The following PLAA variants were observed in gnomAD, a reference collection of about 807,000 sequenced individuals.
PLAA encodes the protein phospholipase A-2-activating protein.
In PLAA, 48 loss-of-function variants were observed where a neutral mutation model predicts 84.1. The ratio of observed to expected loss-of-function variants is 0.57; its 90% CI spans 0.45 to 0.73. The LOEUF is 0.73. Ranked by LOEUF, PLAA falls within the 30% of genes least tolerant of loss-of-function variation. The probability of loss-of-function intolerance (pLI) is 0.00; values close to 1 mark genes in which losing one functional copy is unlikely to be tolerated. For synonymous variants in PLAA, 392 were observed against 336.6 expected, an observed-to-expected ratio of 1.16 and a Z score of -1.80; for missense variants, 903 against 954.7, an observed-to-expected ratio of 0.95 and a Z score of 0.71.
chr9:26,906,081 T>TAA lies in PLAA; in HGVS notation c.1823-7_1823-6dup. 31 of 1,197,226 alleles carry TAA rather than the reference T, an allele frequency of 2.6e-5. No individual in the cohort carries two copies. The highest frequency in any genetic ancestry group is 3.0e-5 in the East Asian group (1 of 33,594). The allele number at this position is 1,197,226 out of a possible 1,614,324, so 74.2% of individuals were successfully genotyped here. On this transcript the variant is annotated splice_polypyrimidine_tract_variant and splice_region_variant and intron_variant, in intron 13 of 13. Coordinates refer to ENST00000397292, the MANE Select transcript of PLAA (RefSeq NM_001031689.3). ...CAAGTGCAGGAAAGACAATATCTATTAAAAAAAAAAAGTCATTAATGCTTA... is the reference window on the plus strand; with the variant it reads ...CAAGTGCAGGAAAGACAATATCTATTAAAAAAAAAAAAAGTCATTAATGCTTA...
At position 26,905,419 on chromosome 9, in the gene PLAA, A is replaced by G. The variant is rs2131360412; in HGVS notation, c.*92T>C. On this transcript the variant is annotated 3_prime_UTR_variant, in exon 14 of 14. Coordinates refer to ENST00000397292, the MANE Select transcript of PLAA (RefSeq NM_001031689.3). The stretch of plus-strand genomic sequence containing the variant: ...TGTAAAATTTTACTTAATCCACCGT[A>G]TTCTCTTTTTTTAATTATCTGTTAT... 2.0e-6 allele frequency: 2 copies of G among 996,530 alleles called. No homozygotes were observed. Among genetic ancestry groups the G allele is most frequent in the East Asian group, 2.5e-5 (1 of 40,660 alleles). 61.7% of individuals were successfully genotyped at this position (996,530 alleles called of 1,614,324 possible). A position where few individuals can be genotyped will look rare whatever the true frequency, so the allele number is the denominator to read the frequency against.
chr9:26,937,283 G>C (rs772532278), intron 1 of PLAA, among the ~76,000 whole-genome samples: 1 of 152,084 alleles, frequency 6.6e-6, no homozygotes, highest in Non-Finnish European at 1.5e-5. Flanking sequence ...CATGCCCAGG[G>C]AAAAGCACAG....
chr9:26,940,582 A>G (rs1825500147), intron 1 of PLAA, among the ~76,000 whole-genome samples: 1 of 152,236 alleles, frequency 6.6e-6, no homozygotes, highest in Admixed American at 6.5e-5. Flanking sequence ...GGTGATGGTT[A>G]CACATTATGA....
intron 1 of PLAA, among the ~76,000 whole-genome samples, chr9:26,946,276 T>C (rs1459683679): frequency 1.4e-4 from 22 of 152,108 alleles, no homozygotes. Context: ...TCTTCTTTTT[T>C]TTTTTGGTTC....
intron 1 of PLAA, among the ~76,000 whole-genome samples, chr9:26,945,974 C>T (rs1587201926): frequency 6.6e-6 from 1 of 152,144 alleles, no homozygotes; most frequent in South Asian, 2.1e-4. Context: ...AATCTATCTT[C>T]CCCATCAGAC....
intron 2 of PLAA, among the ~76,000 whole-genome samples, chr9:26,932,052 C>G (rs72719534): frequency 8.7e-4 from 132 of 152,280 alleles, no homozygotes; most frequent in Non-Finnish European, 1.5e-3. Flanking sequence ...TGCACCACTG[C>G]ACTCCAGGCT....
At chr9:26,927,903 G>T (rs1825029161) in intron 4 of PLAA, among the ~76,000 whole-genome samples, 197 bp downstream of exon 4, 1 of 151,946 alleles carries the variant, frequency 6.6e-6, no homozygotes, top group Non-Finnish European at 1.5e-5. Flanking sequence ...GTCTACATTT[G>T]GCTGTTTTAT....
At chr9:26,912,348 C>T (rs897081819) in intron 11 of PLAA, among the ~76,000 whole-genome samples, 1 of 151,968 alleles carries the variant, frequency 6.6e-6, no homozygotes, top group African/African-American at 2.4e-5. Context: ...TATGGCTGGA[C>T]AGAAGAAAGG....
chr9:26,924,284 C>A (rs544994856), intron 6 of PLAA, among the ~76,000 whole-genome samples: 167 of 152,138 alleles, frequency 1.1e-3, no homozygotes, highest in African/African-American at 3.8e-3. Flanking sequence ...ATGCATGCCA[C>A]CATGCCCAGC....
intron 3 of PLAA, 28 bp from the exon 4 acceptor site, chr9:26,928,248 G>C (rs1181810613): frequency 4.3e-6 from 7 of 1,613,998 alleles, no homozygotes; most frequent in Non-Finnish European, 5.9e-6. Flanking sequence ...ATCAATTTAA[G>C]TTGCCACAGA....
Position 26,947,113 on chromosome 9 carries a change from G to A in PLAA, c.-68C>T, listed in dbSNP as rs887921696. The stretch of plus-strand genomic sequence containing the variant: ...GACCAGTCCGCAGGGGCGACTCGGA[G>A]AGCGCCGGGCCGCGGCGGGAGAAGA... On this transcript the variant is annotated 5_prime_UTR_variant, in exon 1 of 14. Coordinates refer to ENST00000397292, the MANE Select transcript of PLAA (RefSeq NM_001031689.3). 18 of 1,410,008 alleles carry A rather than the reference G, an allele frequency of 1.3e-5. No individual in the cohort carries two copies. Among genetic ancestry groups the A allele is most frequent in the Non-Finnish European group, 1.7e-5 (18 of 1,079,614 alleles). 87.3% of individuals were successfully genotyped at this position (1,410,008 alleles called of 1,614,324 possible).
At chr9:26,914,127 T>TGTTA (rs1824481950) in intron 10 of PLAA, among the ~76,000 whole-genome samples, 180 bp from the exon 11 acceptor site, 1 of 152,228 alleles carries the variant, frequency 6.6e-6, no homozygotes, top group South Asian at 2.1e-4. Flanking sequence ...ATATCATAAG[T>TGTTA]GTTAGCTACA....
At chr9:26,921,979 A>T (rs556137095) in intron 7 of PLAA, among the ~76,000 whole-genome samples, 1 of 152,334 alleles carries the variant, frequency 6.6e-6, no homozygotes, top group African/African-American at 2.4e-5. Context: ...TTGACGGAAC[A>T]TGCTCAATTT....
chr9:26,912,866 CTA>C (rs1824439775), intron 11 of PLAA, among the ~76,000 whole-genome samples: 1 of 152,124 alleles, frequency 6.6e-6, no homozygotes, highest in African/African-American at 2.4e-5. Flanking sequence ...ATTACAGGTA[CTA>C]TGTTATACTT....
chr9:26,940,060 G>A (rs1825483338), intron 1 of PLAA, among the ~76,000 whole-genome samples: 3 of 152,078 alleles, frequency 2.0e-5, no homozygotes, highest in Admixed American at 2.0e-4. Context: ...AATATACTAC[G>A]TGAAAGCAAA....
At position 26,906,040 on chromosome 9, in the gene PLAA, G is replaced by C. The variant is rs760073412; in HGVS notation, c.1859C>G (p.Ser620Ter). 6.3e-7 allele frequency: 1 copy of C among 1,580,340 alleles called. No homozygotes were observed. The change falls in exon 14 of 14, where the codon TCA (serine) becomes TGA (stop). Residue 620 changes from serine to a stop codon, truncating the protein, a stop_gained. Transcript: ENST00000397292. LOFTEE classifies it high-confidence loss of function. ...CTCATTCACACTGGGGTGTTTAATT[G>C]ACAACCGAAGAATGTCAAGTGCAGG... is the stretch of plus-strand genomic sequence containing the variant. Reference protein sequence around the residue: ...VFPALDILRLSIKHPSVNENF... With the variant: ...VFPALDILRL
chr9:26,947,077 G>A lies in PLAA; in HGVS notation c.-32C>T, dbSNP rs2131442981. ...TGTCTGTCTGGCGCCCGGTGCCCAG[G>A]CACTGTGCGAGACCAGTCCGCAGGG... On this transcript the variant is annotated 5_prime_UTR_variant, in exon 1 of 14. Transcript: ENST00000397292. 1.9e-6 allele frequency: 3 copies of A among 1,540,560 alleles called. No homozygotes were observed. Among genetic ancestry groups the A allele is most frequent in the African/African-American group, 1.4e-5 (1 of 73,326 alleles).
intron 10 of PLAA, chr9:26,915,866 G>A (rs1450363633): frequency 3.5e-5 from 34 of 985,206 alleles, no homozygotes; most frequent in Non-Finnish European, 4.0e-5. Context: ...AGCCGCCAAA[G>A]TGATTTGGAT....
chr9:26,913,898 G>T lies in PLAA; in HGVS notation c.1536C>A (p.Ala512=). 1 of 1,611,216 alleles carries T rather than the reference G, an allele frequency of 6.2e-7. No homozygotes were observed. The highest frequency in any genetic ancestry group is 8.5e-7 in the Non-Finnish European group (1 of 1,177,654). The change falls in exon 11 of 14, where the codon GCC becomes GCA. Residue 512 remains alanine (A), a synonymous_variant. Coordinates refer to ENST00000397292, the MANE Select transcript of PLAA (RefSeq NM_001031689.3). ...ATGTACCTGTAAATGGATCAACTCC[G>T]GCCATGGTAGTTCCCATACTTGCAG... ...PGSASMGTTM[A]GVDPFTGNSA... is the part of the protein sequence containing the mutation.
Sources: allele counts gnomAD v4.1 joint callset (sites outside exome capture counted in the v4.1 genomes callset), GRCh38; gene constraint gnomAD v4.1.1; transcripts MANE v1.5; gene names NCBI Gene and HGNC (gene_info 2026-07-23, HGNC 2026-07-21).